Variants in CHD6 observed in about 807,000 individuals in gnomAD.
CHD6 encodes the protein chromodomain helicase DNA binding protein 6, also known as ATP-dependent chromatin remodeler CHD6.
A neutral mutation model predicts 276.9 loss-of-function variants in CHD6; 50 were observed. The observed-to-expected ratio is 0.18, with a 90% CI of 0.14 to 0.23. The LOEUF (loss-of-function observed/expected upper bound fraction) is 0.23, where lower values mean the gene tolerates loss of function less well. Ranked by LOEUF, CHD6 falls within the 10% of genes least tolerant of loss-of-function variation. The pLI, the probability that CHD6 is intolerant of heterozygous loss-of-function variation, is 1.00. For missense variants in CHD6, 2,564 were observed against 3,365.8 expected (o/e 0.76, Z 5.89); for synonymous variants, 1,173 against 1,229.3 (o/e 0.95, Z 0.96).
At chr20:41,615,933 C>A (rs539234574) in intron 1 of CHD6, among the ~76,000 whole-genome samples, 1 of 152,236 alleles carries the variant, frequency 6.6e-6, no homozygotes, top group Non-Finnish European at 1.5e-5. Flanking sequence ...AGCTCTCCAA[C>A]ACATAGTAGC....
rs61752057 is a variant in CHD6 at position 41,412,230 on chromosome 20, G to A, written c.7165C>T (p.Arg2389Cys). ...FSDKPKQRRP[R>C]CKEPGKLDVS... ...TCTAATTTTCCAGGTTCTTTACAGC[G>A]TGGCCTCCTCTGCTTTGGTTTGTCT... Residue 2389 changes from arginine to cysteine, a missense_variant, in exon 36 of 37, where the codon CGC (arginine) becomes TGC (cysteine). Around this residue, in one of 7 missense-constraint regions of CHD6, gnomAD observed 1,024 missense variants for 1,047.9 expected, o/e 0.98. Transcript: ENST00000373233. 16,576 of 1,614,072 alleles carry A rather than the reference G, an allele frequency of 0.01. 200 individuals carry two copies. The highest frequency in any genetic ancestry group is 0.06 in the Admixed American group (3,578 of 60,028).
intron 30 of CHD6, among the ~76,000 whole-genome samples, chr20:41,423,005 G>C (rs950441977): frequency 1.1e-4 from 16 of 152,232 alleles, no homozygotes; most frequent in South Asian, 2.1e-4. Flanking sequence ...GGAAGCTGTT[G>C]CAAGTGCCAA....
intron 1 of CHD6, among the ~76,000 whole-genome samples, chr20:41,610,588 C>T (rs1451818373): frequency 2.6e-5 from 4 of 151,926 alleles, no homozygotes; most frequent in East Asian, 1.9e-4. Context: ...GGTGAAACCC[C>T]GTCTCTACTA....
chr20:41,487,595 A>G, intron 14 of CHD6, 70 bp downstream of exon 14: 1 of 1,456,196 alleles, frequency 6.9e-7, no homozygotes, highest in Non-Finnish European at 9.3e-7. Flanking sequence ...CTGGCCCCAT[A>G]GCATCCTGCT....
chr20:41,617,943 G>A (rs978109745), intron 1 of CHD6, among the ~76,000 whole-genome samples: 2 of 144,718 alleles, frequency 1.4e-5, no homozygotes, highest in African/African-American at 4.9e-5. Context: ...CACCGCGCCC[G>A]CCCCGGGGGG....
chr20:41,415,150 G>A, intron 34 of CHD6, 36 bp downstream of exon 34: 2 of 1,572,226 alleles, frequency 1.3e-6, no homozygotes, highest in South Asian at 1.2e-5. Context: ...AGTGTAGAAA[G>A]GTAAATGTTT....
intron 3 of CHD6, among the ~76,000 whole-genome samples, chr20:41,516,031 C>T (rs1352288495): frequency 6.6e-6 from 1 of 152,170 alleles, no homozygotes; most frequent in African/African-American, 2.4e-5. Context: ...AAACATAATT[C>T]TGACAGACAG....
Position 41,405,127 on chromosome 20 carries a change from G to C in CHD6, c.7614C>G (p.Leu2538=), listed in dbSNP as rs559201396. 6.2e-7 allele frequency: 1 copy of C among 1,614,198 alleles called. No individual in the cohort carries two copies. Among genetic ancestry groups the C allele is most frequent in the East Asian group, 2.2e-5 (1 of 44,886 alleles). ...VPQMFGVGGL[L]SPPMATTCTS... ...TGCAGGTGGTTGCCATGGGTGGACT[G>C]AGGAGTCCCCCAACACCAAACATCT... is the stretch of plus-strand genomic sequence containing the variant. The change falls in exon 37 of 37, where the codon CTC becomes CTG. Residue 2538 remains leucine (L), a synonymous_variant. Coordinates refer to ENST00000373233, the MANE Select transcript of CHD6 (RefSeq NM_032221.5).
intron 17 of CHD6, among the ~76,000 whole-genome samples, chr20:41,472,701 T>G (rs962766497): frequency 6.6e-6 from 1 of 152,248 alleles, no homozygotes. Flanking sequence ...GCCATTTTCT[T>G]GCTTGTTTAT....
intron 1 of CHD6, among the ~76,000 whole-genome samples, chr20:41,559,136 T>C (rs981534136): frequency 3.0e-5 from 4 of 132,772 alleles, no homozygotes; most frequent in Non-Finnish European, 6.1e-5. Flanking sequence ...TTAAGCTTAT[T>C]GCCTGTTCCT....
At chr20:41,450,698 TCAGGGGTATATACAATG>T (rs1303368863) in intron 23 of CHD6, among the ~76,000 whole-genome samples, 1 of 152,142 alleles carries the variant, frequency 6.6e-6, no homozygotes, top group Non-Finnish European at 1.5e-5. Flanking sequence ...AGAAAAATCC[TCAGGGGTATATACAATG>T]CAGTGGCAGA....
At chr20:41,537,525 C>T (rs189011098) in intron 2 of CHD6, among the ~76,000 whole-genome samples, 9 of 152,150 alleles carry the variant, frequency 5.9e-5, no homozygotes, top group African/African-American at 2.2e-4. Flanking sequence ...GAACAATCCC[C>T]CATGGACGCT....
chr20:41,452,077 C>T lies in CHD6; in HGVS notation c.3324-52G>A. 1 of 1,394,498 alleles carries T rather than the reference C, an allele frequency of 7.2e-7. No individual in the cohort carries two copies. The highest frequency in any genetic ancestry group is 2.3e-5 in the East Asian group (1 of 43,066). 86.4% of individuals were successfully genotyped at this position (1,394,498 alleles called of 1,614,324 possible). On this transcript the variant is annotated intron_variant, in intron 21 of 36. Transcript: ENST00000373233. This position sits in a 1 kb window ranked among gnomAD's most constrained non-coding sequence, Gnocchi z 4.2. ...TGGAGGGAGAATGGACCAGGCCATG[C>T]AGGCAGCCTCCCCACAGGAGGAGAA...
At position 41,497,460 on chromosome 20, in the gene CHD6, T is replaced by C. The variant is rs2043715413; in HGVS notation, c.1016A>G (p.Glu339Gly). 3.7e-6 allele frequency: 6 copies of C among 1,613,954 alleles called. No homozygotes were observed. In the East Asian group the frequency reaches 8.9e-5, roughly 24 times the overall value. ...HCKWATMEEL[E>G]KDPRIAQKIK... ...CTTCTGTGCGATGCGAGGATCCTTT[T>C]CGAGCTCTTCCATTGTGGCCCATTT... Residue 339 changes from glutamate (E) to glycine (G), a missense_variant, in exon 8 of 37, where the codon GAA becomes GGA. Transcript: ENST00000373233.
At chr20:41,593,558 C>T (rs2045686349) in intron 1 of CHD6, among the ~76,000 whole-genome samples, 1 of 152,264 alleles carries the variant, frequency 6.6e-6, no homozygotes, top group Non-Finnish European at 1.5e-5. Context: ...TGACAACCCC[C>T]CAAAAACCCA....
chr20:41,436,965 G>T (rs76658652), intron 27 of CHD6, among the ~76,000 whole-genome samples: 4,124 of 152,232 alleles, frequency 0.027, 185 homozygotes, highest in African/African-American at 0.094. Flanking sequence ...CAGTATCCTG[G>T]TTGTGATATT....
intron 27 of CHD6, among the ~76,000 whole-genome samples, chr20:41,427,188 T>C (rs2047392777): frequency 6.6e-6 from 1 of 150,958 alleles, no homozygotes; most frequent in Non-Finnish European, 1.5e-5. Context: ...CTTCCTGGAA[T>C]ACACAACATG....
chr20:41,571,389 A>T (rs2045415003), intron 1 of CHD6, among the ~76,000 whole-genome samples: 5 of 129,960 alleles, frequency 3.8e-5, no homozygotes, highest in South Asian at 2.4e-4. Flanking sequence ...CTGGCCATTA[A>T]TTTTTTTTTT....
At chr20:41,435,879 C>G (rs1283618177) in intron 27 of CHD6, among the ~76,000 whole-genome samples, 1 of 152,114 alleles carries the variant, frequency 6.6e-6, no homozygotes, top group Admixed American at 6.6e-5. Flanking sequence ...CTACGGCACT[C>G]AGGATTATGT....
Sources: gnomAD v4.1 joint callset for allele counts (sites outside exome capture counted in the v4.1 genomes callset) on GRCh38, gnomAD v4.1.1 for gene constraint, gnomAD v4.1.1 regional missense constraint, Gnocchi (gnomAD v3.1) non-coding constraint, MANE v1.5 for transcripts, NCBI Gene and HGNC (gene_info 2026-07-23, HGNC 2026-07-21) for gene names.